Variants in STAM observed in about 807,000 individuals in gnomAD.
STAM encodes signal transducing adaptor molecule.
Under a neutral mutation model 63.4 loss-of-function variants are expected in STAM, and 16 were observed. The ratio of observed to expected loss-of-function variants is 0.25; its 90% CI spans 0.17 to 0.38. The LOEUF (loss-of-function observed/expected upper bound fraction) is 0.38, where lower values mean the gene tolerates loss of function less well. Ranked by LOEUF, STAM falls within the 10% of genes least tolerant of loss-of-function variation. STAM has a pLI of 1.00. For missense variants in STAM, 636 were observed against 657.1 expected, an observed-to-expected ratio of 0.97 and a Z score of 0.35; for synonymous variants, 238 against 223.9, an observed-to-expected ratio of 1.06 and a Z score of -0.56.
intron 9 of STAM, among the ~76,000 whole-genome samples, chr10:17,703,511 C>T (rs782665591): frequency 6.6e-5 from 10 of 151,916 alleles, no homozygotes; most frequent in Non-Finnish European, 1.5e-4. Flanking sequence ...ATGTAAAAAC[C>T]ATGCATGGAG....
chr10:17,711,561 G>T (rs1836554157), intron 13 of STAM, among the ~76,000 whole-genome samples: 1 of 152,140 alleles, frequency 6.6e-6, no homozygotes, highest in Admixed American at 6.5e-5. Context: ...AGGGTTTGAG[G>T]AAGTTTTCCA....
At chr10:17,701,110 T>C (rs1835975702) in intron 9 of STAM, among the ~76,000 whole-genome samples, 5 of 152,326 alleles carry the variant, frequency 3.3e-5, no homozygotes, top group African/African-American at 9.6e-5. Flanking sequence ...TGGAGCCACA[T>C]AATGGTACCC....
At chr10:17,663,511 G>A (rs939988278) in intron 2 of STAM, among the ~76,000 whole-genome samples, 3 of 151,986 alleles carry the variant, frequency 2.0e-5, no homozygotes, top group Non-Finnish European at 4.4e-5. Context: ...GGATCTGTTT[G>A]TTCTTTTAGT....
chr10:17,650,796 T>C (rs1833707697), intron 1 of STAM, among the ~76,000 whole-genome samples: 1 of 152,154 alleles, frequency 6.6e-6, no homozygotes, highest in Non-Finnish European at 1.5e-5. Flanking sequence ...CTGGGCGCGG[T>C]GGCTCACGCC....
chr10:17,679,898 T>C (rs940438487), intron 2 of STAM, among the ~76,000 whole-genome samples: 2 of 152,214 alleles, frequency 1.3e-5, no homozygotes, highest in East Asian at 1.9e-4. Context: ...TCTTTTAAAA[T>C]CCTTTTTATT....
At chr10:17,682,434 T>C (rs1179102155) in intron 2 of STAM, among the ~76,000 whole-genome samples, 4 of 152,218 alleles carry the variant, frequency 2.6e-5, no homozygotes, top group African/African-American at 9.6e-5. Flanking sequence ...AACATTCTTA[T>C]AAAGAGTACT....
At chr10:17,651,318 A>G (rs1833733463) in intron 1 of STAM, among the ~76,000 whole-genome samples, 1 of 152,162 alleles carries the variant, frequency 6.6e-6, no homozygotes, top group African/African-American at 2.4e-5. Context: ...TTTTGAGGAG[A>G]TGATGCATGT....
intron 1 of STAM, among the ~76,000 whole-genome samples, chr10:17,648,651 A>G (rs1554821195): frequency 2.6e-5 from 4 of 152,180 alleles, no homozygotes; most frequent in African/African-American, 9.6e-5. Context: ...CTGTCTCACC[A>G]TTCTTACCTT....
intron 2 of STAM, among the ~76,000 whole-genome samples, chr10:17,666,034 G>A (rs1589042409): frequency 6.6e-6 from 1 of 152,072 alleles, no homozygotes; most frequent in East Asian, 1.9e-4. Flanking sequence ...ATTTTTCTAT[G>A]TTAGTGTTGA....
chr10:17,715,596 A>G lies in STAM; in HGVS notation c.*816A>G, dbSNP rs1836783325. 2.6e-5 allele frequency: 4 copies of G among 152,612 alleles called. No homozygotes were observed. Among genetic ancestry groups the G allele is most frequent in the Admixed American group, 2.0e-4 (3 of 15,272 alleles). The allele number at this position is 152,612 out of a possible 1,614,324, so 9.5% of individuals were successfully genotyped here. ...ATGAGACAAAATTAAGTACGATCAC[A>G]TTCTTTATTTCTCATTTTAAAGAAA... On this transcript the variant is annotated 3_prime_UTR_variant, in exon 14 of 14. Coordinates refer to ENST00000377524, the MANE Select transcript of STAM (RefSeq NM_003473.4).
At chr10:17,650,621 G>A (rs1357649305) in intron 1 of STAM, among the ~76,000 whole-genome samples, 1 of 152,142 alleles carries the variant, frequency 6.6e-6, no homozygotes, top group African/African-American at 2.4e-5. Flanking sequence ...ATGCCCTCAA[G>A]GATTCCAGGT....
At chr10:17,678,538 G>C (rs1156583730) in intron 2 of STAM, among the ~76,000 whole-genome samples, 2 of 152,184 alleles carry the variant, frequency 1.3e-5, no homozygotes, top group Non-Finnish European at 2.9e-5. Context: ...ATAGGCGTGA[G>C]TCACCACGCC....
chr10:17,676,036 A>C (rs1284460930), intron 2 of STAM, among the ~76,000 whole-genome samples: 1 of 151,194 alleles, frequency 6.6e-6, no homozygotes, highest in African/African-American at 2.4e-5. Context: ...GAATTCATTA[A>C]AAAAAAAATC....
chr10:17,701,871 A>G (rs537464364), intron 9 of STAM, among the ~76,000 whole-genome samples: 11 of 152,192 alleles, frequency 7.2e-5, no homozygotes, highest in Admixed American at 5.9e-4. Flanking sequence ...GTATTAAGAA[A>G]GTCATGGCTC....
intron 2 of STAM, 135 bp from the exon 3 acceptor site, chr10:17,684,540 G>A (rs1554825847): frequency 1.7e-6 from 1 of 584,372 alleles, no homozygotes; most frequent in Non-Finnish European, 2.8e-6. Context: ...TTTCAACCGT[G>A]TTATTAATAA....
At chr10:17,704,637 G>T in intron 10 of STAM, 119 bp downstream of exon 10, 1 of 876,540 alleles carries the variant, frequency 1.1e-6, no homozygotes, top group South Asian at 1.6e-5. Context: ...ACTTCTCCTT[G>T]ACCCAGGCTC....
rs375938525 is a variant in STAM at position 17,708,941 on chromosome 10, G to A, written c.1375G>A (p.Ala459Thr). ...PALPSQQTQAAYPNTMVSSVQ... is the reference protein window; with the variant it reads ...PALPSQQTQATYPNTMVSSVQ... Reference sequence around the variant, plus strand: ...CCTTCCTAGTCAGCAGACTCAGGCCGCTTACCCAAAGTAATTTTACTGTTG... The same window carrying A: ...CCTTCCTAGTCAGCAGACTCAGGCCACTTACCCAAAGTAATTTTACTGTTG... The change falls in exon 13 of 14, where the codon GCT becomes ACT. Residue 459 changes from alanine (A) to threonine (T), a missense_variant. Ala to Thr is a moderately conservative substitution (Grantham distance 58). Around this residue, in one of 3 missense-constraint regions of STAM, gnomAD observed 532 missense variants for 536.9 expected, o/e 0.99. Transcript: ENST00000377524. 8.6e-5 allele frequency: 139 copies of A among 1,613,320 alleles called. No individual in the cohort carries two copies. Among genetic ancestry groups the A allele is most frequent in the Non-Finnish European group, 1.0e-4 (122 of 1,179,532 alleles).
In STAM at chr10:17,683,068, AT is replaced by A. The variant is rs530096822; in HGVS notation, c.126-1606del. On this transcript the variant is annotated intron_variant, in intron 2 of 13. Coordinates refer to ENST00000377524, the MANE Select transcript of STAM (RefSeq NM_003473.4). The stretch of plus-strand genomic sequence containing the variant: ...AAAGTGTAGTTGGATTACAATCTTA[AT>A]CTGCCATTTTTCTAGATGATTGGTT... Among the ~76,000 whole-genome samples the A allele has an allele frequency of 1.2e-4, 19 of 152,250 alleles. No homozygotes were observed. In the South Asian group the frequency reaches 3.7e-3, roughly 30 times the overall value.
chr10:17,672,264 A>G (rs1467825581), intron 2 of STAM, among the ~76,000 whole-genome samples: 1 of 152,228 alleles, frequency 6.6e-6, no homozygotes, highest in African/African-American at 2.4e-5. Flanking sequence ...TTTGTAAATA[A>G]TATAGTGACA....
Sources: allele counts gnomAD v4.1 joint callset (sites outside exome capture counted in the v4.1 genomes callset), GRCh38; gene constraint gnomAD v4.1.1; regional missense constraint gnomAD v4.1.1; transcripts MANE v1.5; gene names NCBI Gene and HGNC (gene_info 2026-07-23, HGNC 2026-07-21).